Variants in DACH2 observed in about 807,000 individuals in gnomAD.
DACH2 encodes dachshund family transcription factor 2, also known as dachshund homolog 2.
DACH2 carries 17 observed loss-of-function variants against 35.8 expected under a neutral mutation model. The ratio of observed to expected loss-of-function variants is 0.48; its 90% CI spans 0.33 to 0.71. The LOEUF is 0.71. Among genes scored for constraint, DACH2 ranks in the 30% least tolerant of loss-of-function variants. The probability of loss-of-function intolerance (pLI) is 0.02; values close to 1 mark genes in which losing one functional copy is unlikely to be tolerated. For missense variants in DACH2, 469 were observed against 472.7 expected (o/e 0.99, Z 0.07); for synonymous variants, 195 against 177.3 (o/e 1.10, Z -0.79).
Position 86,829,813 on chromosome X carries a change from C to G in DACH2, c.1751-2293C>G, listed in dbSNP as rs2042596232. ...TCCCCTTTTTACCTATCTGATAAAT[C>G]CCAAAGCAATAAACTCTGTCAGCTC... On this transcript the variant is annotated intron_variant, in intron 11 of 11. Transcript: ENST00000373125. 5 of 111,960 alleles carry G rather than the reference C, an allele frequency of 4.5e-5. No homozygotes were observed. In the South Asian group the frequency reaches 1.9e-3, roughly 42 times the overall value. 9.2% of individuals were successfully genotyped at this position (111,960 alleles called of 1,213,427 possible). A position where few individuals can be genotyped will look rare whatever the true frequency, so the allele number is the denominator to read the frequency against.
chrX:86,313,153 T>A (rs894044790), intron 1 of DACH2, among the ~76,000 whole-genome samples: 5 of 111,220 alleles, frequency 4.5e-5, no homozygotes, highest in African/African-American at 1.6e-4. Flanking sequence ...CTGCACCCCA[T>A]AAACTTGTAC....
intron 6 of DACH2, among the ~76,000 whole-genome samples, chrX:86,726,935 T>C (rs1186970871): frequency 8.9e-6 from 1 of 112,329 alleles, no homozygotes; most frequent in South Asian, 3.7e-4. Flanking sequence ...AATTTTAGTT[T>C]TCTCTTTTAG....
At chrX:86,593,424 TTTTA>T (rs2039673937) in intron 3 of DACH2, among the ~76,000 whole-genome samples, 1 of 104,981 alleles carries the variant, frequency 9.5e-6, no homozygotes, top group African/African-American at 3.6e-5. Flanking sequence ...TTTTATTTTA[TTTTA>T]TTTTATTTTA....
intron 3 of DACH2, among the ~76,000 whole-genome samples, chrX:86,519,506 C>T (rs1332066099): frequency 1.8e-5 from 2 of 111,377 alleles, no homozygotes; most frequent in African/African-American, 6.5e-5. Flanking sequence ...TAAAATTTAG[C>T]TATGAATCCA....
chrX:86,181,133 T>A (rs1212917534), intron 1 of DACH2, among the ~76,000 whole-genome samples: 1 of 105,243 alleles, frequency 9.5e-6, no homozygotes, highest in African/African-American at 3.5e-5. Context: ...TATGTCCCTG[T>A]TAGATGTCAT....
chrX:86,712,540 G>T (rs1032826785), intron 5 of DACH2, among the ~76,000 whole-genome samples: 1 of 110,274 alleles, frequency 9.1e-6, no homozygotes, highest in South Asian at 3.7e-4. Context: ...GTATATATGT[G>T]TGTGTACACA....
Position 86,428,167 on chromosome X carries a change from C to G in DACH2, c.527+51305C>G, listed in dbSNP as rs762655296. ...AATAGGTTAAATAGATCAGTTAAAT[C>G]TTATATTACAAAATTTACAAATTAA... is the stretch of plus-strand genomic sequence containing the variant. On this transcript the variant is annotated intron_variant, in intron 2 of 11. Coordinates refer to ENST00000373125, the MANE Select transcript of DACH2 (RefSeq NM_053281.3). Among the ~76,000 whole-genome samples the G allele has an allele frequency of 3.6e-5, 4 of 111,277 alleles. No homozygotes were observed. The South Asian group carries it at 1.5e-3, about 41-fold the overall frequency.
chrX:86,155,480 G>A (rs976524328), intron 1 of DACH2, among the ~76,000 whole-genome samples: 6 of 110,559 alleles, frequency 5.4e-5, no homozygotes, highest in Admixed American at 9.7e-5. Context: ...TTGATATAAC[G>A]CTAGTGAAAT....
At chrX:86,412,943 A>G (rs2036638920) in intron 2 of DACH2, among the ~76,000 whole-genome samples, 2 of 111,201 alleles carry the variant, frequency 1.8e-5, no homozygotes, top group Non-Finnish European at 3.8e-5. Context: ...CCCAAATGAG[A>G]AATGTGTTGT....
At chrX:86,693,765 T>A (rs2041035438) in intron 4 of DACH2, among the ~76,000 whole-genome samples, 1 of 111,913 alleles carries the variant, frequency 8.9e-6, no homozygotes, top group Non-Finnish European at 1.9e-5. Context: ...TCTAAGGAAA[T>A]AATTTAAATG....
intron 2 of DACH2, among the ~76,000 whole-genome samples, chrX:86,476,370 G>A (rs2037843971): frequency 9.0e-6 from 1 of 111,083 alleles, no homozygotes; most frequent in African/African-American, 3.3e-5. Context: ...ATTTCTTCCT[G>A]GTTTAATCTT....
At chrX:86,699,579 G>A (rs1305035120) in intron 5 of DACH2, among the ~76,000 whole-genome samples, 2 of 111,332 alleles carry the variant, frequency 1.8e-5, no homozygotes, top group African/African-American at 6.5e-5. Context: ...CTCCCACTGG[G>A]TCCCTCCCAA....
chrX:86,331,251 G>T (rs1014385667), intron 1 of DACH2, among the ~76,000 whole-genome samples: 4 of 110,641 alleles, frequency 3.6e-5, no homozygotes, highest in Non-Finnish European at 7.6e-5. Flanking sequence ...ATTTACAAGA[G>T]TCGAGGCTGT....
intron 1 of DACH2, among the ~76,000 whole-genome samples, chrX:86,209,949 C>T (rs2032406826): frequency 9.0e-6 from 1 of 111,428 alleles, no homozygotes; most frequent in Admixed American, 9.6e-5. Flanking sequence ...TGGGCTTTAG[C>T]TTTGTGCTTA....
intron 6 of DACH2, among the ~76,000 whole-genome samples, chrX:86,726,540 G>T (rs1366589004): frequency 9.0e-6 from 1 of 111,678 alleles, no homozygotes; most frequent in Non-Finnish European, 1.9e-5. Flanking sequence ...TCAGTCCAAT[G>T]TTGGCAATGG....
intron 1 of DACH2, among the ~76,000 whole-genome samples, chrX:86,318,999 G>A (rs2034967189): frequency 1.8e-5 from 2 of 112,149 alleles, no homozygotes; most frequent in Non-Finnish European, 1.9e-5. Flanking sequence ...TGCTATTAAT[G>A]TTAAACCTAA....
At chrX:86,557,168 A>G (rs2039143449) in intron 3 of DACH2, among the ~76,000 whole-genome samples, 2 of 110,972 alleles carry the variant, frequency 1.8e-5, no homozygotes, top group Admixed American at 9.7e-5. Context: ...AGGATGGGAT[A>G]TCTACCCACA....
intron 1 of DACH2, among the ~76,000 whole-genome samples, chrX:86,219,046 T>C (rs1220659205): frequency 8.9e-6 from 1 of 112,268 alleles, no homozygotes; most frequent in Non-Finnish European, 1.9e-5. Flanking sequence ...TTTTAATACA[T>C]AATTTTAGTA....
At chrX:86,171,863 A>G (rs758552240) in intron 1 of DACH2, among the ~76,000 whole-genome samples, 1 of 111,769 alleles carries the variant, frequency 8.9e-6, no homozygotes, top group African/African-American at 3.2e-5. Context: ...TTCTGTGTAG[A>G]TAGTTGTTAA....
Sources: gnomAD v4.1 joint callset for allele counts (sites outside exome capture counted in the v4.1 genomes callset) on GRCh38, gnomAD v4.1.1 for gene constraint, MANE v1.5 for transcripts, NCBI Gene and HGNC (gene_info 2026-07-23, HGNC 2026-07-21) for gene names.